The following SLC1A7 variants were observed in gnomAD, a reference collection of about 807,000 sequenced individuals.
SLC1A7 encodes the protein solute carrier family 1 member 7.
In SLC1A7, 40 loss-of-function variants were observed where a neutral mutation model predicts 47.7. The ratio of observed to expected loss-of-function variants is 0.84; its 90% CI spans 0.65 to 1.09. The LOEUF is 1.09. Among genes scored for constraint, SLC1A7 ranks in the 50% least tolerant of loss-of-function variants. The pLI is 0.00. For synonymous variants in SLC1A7, 323 were observed against 325.6 expected (o/e 0.99, Z 0.09); for missense variants, 746 against 769.5 (o/e 0.97, Z 0.36).
chr1:53,141,779 A>T (rs747157715), intron 1 of SLC1A7, among the ~76,000 whole-genome samples: 12 of 151,634 alleles, frequency 7.9e-5, no homozygotes, highest in Non-Finnish European at 1.5e-4. Context: ...TCAGCACCTG[A>T]GGGGTCTCCC....
chr1:53,114,460 A>G lies in SLC1A7; in HGVS notation c.431+298T>C, dbSNP rs1644733327. On this transcript the variant is annotated intron_variant, in intron 3 of 10. Coordinates refer to ENST00000371494, the MANE Select transcript of SLC1A7 (RefSeq NM_006671.6). ...GGACCAATAAACAAAGGGAGGGGCCAATAACAGCCAGCCTCCCACCCTACA... is the reference window on the plus strand; with the variant it reads ...GGACCAATAAACAAAGGGAGGGGCCGATAACAGCCAGCCTCCCACCCTACA... The G allele has an allele frequency of 9.3e-6, 4 of 432,206 alleles. No homozygotes were observed. The East Asian group carries it at 1.2e-4, about 13-fold the overall frequency. The allele number at this position is 432,206 out of a possible 1,614,324, so 26.8% of individuals were successfully genotyped here.
At chr1:53,119,043 T>A (rs1017351430) in intron 2 of SLC1A7, among the ~76,000 whole-genome samples, 3 of 141,982 alleles carry the variant, frequency 2.1e-5, no homozygotes, top group African/African-American at 8.0e-5. Context: ...TAAATTAAAT[T>A]AAATAAAAGT....
At chr1:53,141,032 T>C (rs538390632) in intron 1 of SLC1A7, among the ~76,000 whole-genome samples, 1 of 152,308 alleles carries the variant, frequency 6.6e-6, no homozygotes, top group African/African-American at 2.4e-5. Flanking sequence ...GAATAGGGAC[T>C]CTTCCAGGAG....
At chr1:53,092,475 TG>T (rs1644432868) in intron 7 of SLC1A7, 78 bp downstream of exon 7, 1 of 1,056,554 alleles carries the variant, frequency 9.5e-7, no homozygotes, top group Non-Finnish European at 1.4e-6. Flanking sequence ...TCTGTGGCTA[TG>T]AACCAATGAT....
intron 5 of SLC1A7, among the ~76,000 whole-genome samples, chr1:53,094,722 C>A (rs1264903644): frequency 6.6e-6 from 1 of 152,190 alleles, no homozygotes; most frequent in Non-Finnish European, 1.5e-5. Flanking sequence ...GACTCCCCTG[C>A]CGGCTCCGCC....
In SLC1A7 at chr1:53,142,551, C is replaced by T; in HGVS notation, c.-102G>A. ...CTGAGGGCTCTAGCCCCTCAGCAGG[C>T]AGGTGGTCGGAGTTGCTAAACACCA... On this transcript the variant is annotated 5_prime_UTR_variant, in exon 1 of 11. Coordinates refer to ENST00000371494, the MANE Select transcript of SLC1A7 (RefSeq NM_006671.6). The T allele has an allele frequency of 1.4e-6, 2 of 1,384,486 alleles. No homozygotes were observed. The highest frequency in any genetic ancestry group is 1.9e-6 in the Non-Finnish European group (2 of 1,037,600). 85.8% of individuals were successfully genotyped at this position (1,384,486 alleles called of 1,614,324 possible).
At chr1:53,114,490 G>C (rs1427762423) in intron 3 of SLC1A7, 1 of 475,480 alleles carries the variant, frequency 2.1e-6, no homozygotes, top group Non-Finnish European at 3.8e-6. Context: ...CCTACAGGCT[G>C]GGCATCAGCA....
intron 3 of SLC1A7, among the ~76,000 whole-genome samples, chr1:53,109,967 C>T (rs1644685191): frequency 6.6e-6 from 1 of 152,208 alleles, no homozygotes; most frequent in Non-Finnish European, 1.5e-5. Context: ...CCTCTGCTCA[C>T]CTTCTGTCCA....
chr1:53,098,234 G>A (rs563224736), intron 5 of SLC1A7, among the ~76,000 whole-genome samples: 26 of 141,766 alleles, frequency 1.8e-4, no homozygotes, highest in East Asian at 1.1e-3. Flanking sequence ...CACATGCCCC[G>A]CCTCAGTATA....
intron 2 of SLC1A7, among the ~76,000 whole-genome samples, chr1:53,130,005 C>G (rs936507337): frequency 6.6e-6 from 1 of 152,180 alleles, no homozygotes; most frequent in Admixed American, 6.5e-5. Context: ...AATAGGGATA[C>G]TAGTTGGTTT....
rs371217556 is a variant in SLC1A7, at chr1:53,088,077, C to T, written c.1615G>A (p.Glu539Lys). 3.1e-6 allele frequency: 5 copies of T among 1,609,376 alleles called. No homozygotes were observed. The highest frequency in any genetic ancestry group is 1.7e-4 in the Middle Eastern group (1 of 5,968). ...TTCAGACTCGCAGCGGGCAGCTCCT[C>T]ATCCTGCTCCACTTGAACGGGGACG... ...HHVPVQVEQD[E>K]ELPAASLNHC... is the part of the protein sequence containing the mutation. The change falls in exon 11 of 11, where the codon GAG (glutamate) becomes AAG (lysine). Residue 539 changes from glutamate (E) to lysine (K), a missense_variant. By Grantham distance (56) the Glu-to-Lys change is moderately conservative. Coordinates refer to ENST00000371494, the MANE Select transcript of SLC1A7 (RefSeq NM_006671.6).
chr1:53,109,146 C>G (rs1234514089), intron 3 of SLC1A7, among the ~76,000 whole-genome samples: 2 of 152,048 alleles, frequency 1.3e-5, no homozygotes, highest in East Asian at 3.9e-4. Flanking sequence ...CTCAGCTCCC[C>G]TCTTCACCTG....
chr1:53,092,769 A>T lies in SLC1A7; in HGVS notation c.816T>A (p.Ile272=), dbSNP rs758075743. The stretch of plus-strand genomic sequence containing the variant: ...GGATCTTACCCGCAATGAGGAACAC[A>T]ATGCCGAAGGGGAAATACCTGGGGG... ...AVAVWYFPFG[I]VFLIAGKILE... is the part of the protein sequence containing the mutation. The change falls in exon 7 of 11, where the codon ATT becomes ATA. Residue 272 remains isoleucine (I), a synonymous_variant. Coordinates refer to ENST00000371494, the MANE Select transcript of SLC1A7 (RefSeq NM_006671.6). 1.2e-6 allele frequency: 2 copies of T among 1,613,234 alleles called. No homozygotes were observed. The highest frequency in any genetic ancestry group is 8.5e-7 in the Non-Finnish European group (1 of 1,179,386).
In SLC1A7 at chr1:53,141,004, G is replaced by A. The variant is rs376691478; in HGVS notation, c.135+1311C>T. Among the ~76,000 whole-genome samples the A allele has an allele frequency of 9.2e-5, 14 of 152,256 alleles. 1 individual carries two copies. Among genetic ancestry groups the A allele is most frequent in the African/African-American group, 3.1e-4 (13 of 41,538 alleles). ...ATGGCATTAGACATTAGTGAGCTGC[G>A]GGAAGAGGACTTTCTGGGAATAGGG... On this transcript the variant is annotated intron_variant, in intron 1 of 10. Transcript: ENST00000371494.
At chr1:53,108,434 C>T in intron 3 of SLC1A7, 4 of 622,830 alleles carry the variant, frequency 6.4e-6, no homozygotes, top group South Asian at 2.0e-5. Context: ...AGTCTCCATT[C>T]TCCCGTCCTT....
chr1:53,112,289 A>G (rs1327049439), intron 3 of SLC1A7, among the ~76,000 whole-genome samples: 2 of 152,226 alleles, frequency 1.3e-5, no homozygotes, highest in Admixed American at 1.3e-4. Context: ...CTGCTGGAGT[A>G]CAAAGATCAC....
chr1:53,115,473 C>T (rs529403578), intron 2 of SLC1A7: 9 of 171,524 alleles, frequency 5.2e-5, no homozygotes, highest in East Asian at 4.6e-4. Context: ...TCCATCAGGA[C>T]GCTGCCTGTC....
chr1:53,088,086 C>G lies in SLC1A7; in HGVS notation c.1606G>C (p.Glu536Gln), dbSNP rs918641624. Residue 536 changes from glutamate to glutamine, a missense_variant, in exon 11 of 11, where the codon GAG becomes CAG. Coordinates refer to ENST00000371494, the MANE Select transcript of SLC1A7 (RefSeq NM_006671.6). ...GCAGCGGGCAGCTCCTCATCCTGCT[C>G]CACTTGAACGGGGACGTGGTGGGGG... Reference protein sequence around the residue: ...TCPHHVPVQVEQDEELPAASL... With the variant: ...TCPHHVPVQVQQDEELPAASL... 1.4e-5 allele frequency: 22 copies of G among 1,610,668 alleles called. No homozygotes were observed. Among genetic ancestry groups the G allele is most frequent in the Non-Finnish European group, 1.9e-5 (22 of 1,177,938 alleles).
In SLC1A7 at chr1:53,088,064, G is replaced by T. The variant is rs182918887; in HGVS notation, c.1628C>A (p.Ala543Asp). Residue 543 changes from alanine (A) to aspartate (D), a missense_variant, in exon 11 of 11, where the codon GCT becomes GAT. Transcript: ENST00000371494. ...VQVEQDEELP[A>D]ASLNHCTIQI... ...GATGGTGCAGTGGTTCAGACTCGCAGCGGGCAGCTCCTCATCCTGCTCCAC... is the reference window on the plus strand; with the variant it reads ...GATGGTGCAGTGGTTCAGACTCGCATCGGGCAGCTCCTCATCCTGCTCCAC... 3 of 1,603,546 alleles carry T rather than the reference G, an allele frequency of 1.9e-6. No homozygotes were observed. The highest frequency in any genetic ancestry group is 2.7e-5 in the African/African-American group (2 of 74,890).
Sources: gnomAD v4.1 joint callset for allele counts (sites outside exome capture counted in the v4.1 genomes callset) on GRCh38, gnomAD v4.1.1 for gene constraint, MANE v1.5 for transcripts, NCBI Gene and HGNC (gene_info 2026-07-23, HGNC 2026-07-21) for gene names.